CHRM5: variants seen among roughly 807,000 people sequenced by gnomAD.
The protein encoded by CHRM5 is cholinergic receptor muscarinic 5, also known as muscarinic acetylcholine receptor M5.
In CHRM5, 18 loss-of-function variants were observed where a neutral mutation model predicts 39.0. The observed-to-expected ratio is 0.46, with a 90% CI of 0.32 to 0.68. The LOEUF (loss-of-function observed/expected upper bound fraction) is 0.68, where lower values mean the gene tolerates loss of function less well. Ranked by LOEUF, CHRM5 falls within the 30% of genes least tolerant of loss-of-function variation. The probability of loss-of-function intolerance (pLI) is 0.04; values close to 1 mark genes in which losing one functional copy is unlikely to be tolerated. For missense variants in CHRM5, 515 were observed against 651.1 expected, an observed-to-expected ratio of 0.79 and a Z score of 2.28; for synonymous variants, 241 against 246.3, an observed-to-expected ratio of 0.98 and a Z score of 0.20.
At chr15:33,996,358 G>A (rs1020036646) in intron 1 of CHRM5, among the ~76,000 whole-genome samples, 3 of 152,194 alleles carry the variant, frequency 2.0e-5, no homozygotes, top group Non-Finnish European at 4.4e-5. Context: ...TGAGTTCTGA[G>A]AACCGACAGA....
At chr15:34,019,890 T>C (rs1682211466) in intron 1 of CHRM5, among the ~76,000 whole-genome samples, 1 of 152,242 alleles carries the variant, frequency 6.6e-6, no homozygotes, top group South Asian at 2.1e-4. Context: ...TGACTATTTA[T>C]TGTAGCAAAA....
At chr15:34,061,041 T>C (rs967313953) in intron 2 of CHRM5, among the ~76,000 whole-genome samples, 1 of 152,126 alleles carries the variant, frequency 6.6e-6, no homozygotes, top group Non-Finnish European at 1.5e-5. Flanking sequence ...GATTTTTTTT[T>C]TCCCTTTACC....
At chr15:33,995,437 G>T (rs1306268293) in intron 1 of CHRM5, among the ~76,000 whole-genome samples, 1 of 152,088 alleles carries the variant, frequency 6.6e-6, no homozygotes, top group Non-Finnish European at 1.5e-5. Context: ...TTTTTGCATA[G>T]GTTATATGCA....
At chr15:33,993,842 T>G (rs897664536) in intron 1 of CHRM5, among the ~76,000 whole-genome samples, 35 of 344 alleles carry the variant, frequency 0.1, no homozygotes, top group Admixed American at 0.26. Context: ...AAAATAGGGT[T>G]TTTTTTTCCT....
intron 1 of CHRM5, among the ~76,000 whole-genome samples, chr15:33,985,963 G>A (rs770741421): frequency 1.3e-5 from 2 of 152,126 alleles, no homozygotes; most frequent in Non-Finnish European, 1.5e-5. Context: ...ATATCTCTCT[G>A]ACAGATCTAA....
intron 1 of CHRM5, among the ~76,000 whole-genome samples, chr15:34,009,475 T>A (rs4041437): frequency 3.9e-5 from 6 of 152,296 alleles, no homozygotes; most frequent in African/African-American, 9.6e-5. Context: ...TAGATTTTTT[T>A]AAAAAATCAA....
At chr15:34,055,560 G>A (rs965895413) in intron 2 of CHRM5, among the ~76,000 whole-genome samples, 5 of 151,842 alleles carry the variant, frequency 3.3e-5, no homozygotes, top group Non-Finnish European at 7.4e-5. Context: ...CCAGCACTTT[G>A]GGAGGCTGAG....
At chr15:33,990,731 G>A (rs766761205) in intron 1 of CHRM5, 8 of 152,180 alleles carry the variant, frequency 5.3e-5, no homozygotes, top group South Asian at 2.1e-4. Context: ...TCTGGGGACC[G>A]AAACCTACCA....
At chr15:33,986,150 A>C (rs1896452997) in intron 1 of CHRM5, among the ~76,000 whole-genome samples, 1 of 151,300 alleles carries the variant, frequency 6.6e-6, no homozygotes. Flanking sequence ...TCTGTCGCCC[A>C]GGCTGGAGTG....
intron 1 of CHRM5, among the ~76,000 whole-genome samples, chr15:33,980,157 AC>A (rs1190279007): frequency 5.3e-5 from 8 of 152,226 alleles, no homozygotes; most frequent in African/African-American, 1.9e-4. Flanking sequence ...GGTACAAGGA[AC>A]CTAAACATGT....
chr15:33,993,247 CG>C (rs1234854778), intron 1 of CHRM5, among the ~76,000 whole-genome samples: 15 of 152,132 alleles, frequency 9.9e-5, no homozygotes, highest in Non-Finnish European at 1.9e-4. Flanking sequence ...GCTCTTGAAA[CG>C]TAACTTAGAA....
At chr15:33,992,885 A>G (rs957838874) in intron 1 of CHRM5, among the ~76,000 whole-genome samples, 1 of 152,274 alleles carries the variant, frequency 6.6e-6, no homozygotes, top group East Asian at 1.9e-4. Flanking sequence ...ATAAAATTAA[A>G]TTGAAGAAAA....
At position 34,028,463 on chromosome 15, in the gene CHRM5, G is replaced by A. The variant is rs79327089; in HGVS notation, c.-407-18077G>A. ...TCTATTTGGTCCCCATATTCAGAAG[G>A]CTGAGGTGGGAGGATCACTTAAGCC... On this transcript the variant is annotated intron_variant, in intron 1 of 2. Coordinates refer to ENST00000383263, the MANE Select transcript of CHRM5 (RefSeq NM_012125.4). 3.2e-3 allele frequency among the ~76,000 whole-genome samples: 494 copies of A among 152,226 alleles called. 11 individuals carry two copies. Among genetic ancestry groups the A allele is most frequent in the Admixed American group, 0.026 (392 of 15,288 alleles).
chr15:34,039,220 GGGGCGGCCGGCGT>G, intron 1 of CHRM5: 2 of 449,486 alleles, frequency 4.4e-6, no homozygotes, highest in Non-Finnish European at 6.0e-6. Context: ...GGGGCGGGGC[GGGGCGGCCGGCGT>G]CCCGCAGGTG....
intron 2 of CHRM5, among the ~76,000 whole-genome samples, chr15:34,052,909 A>T (rs555835054): frequency 6.6e-6 from 1 of 152,312 alleles, no homozygotes; most frequent in African/African-American, 2.4e-5. Flanking sequence ...TCATGAAAAT[A>T]GTCATACTGC....
In CHRM5 at chr15:34,063,759, A is replaced by G; in HGVS notation, c.1042A>G (p.Lys348Glu). ...TGAAGAGACTGAGGAAACTTTTGTG[A>G]AAGCTGAAACTGAAAAAAGTGACTA... Reference protein sequence around the residue: ...SAEETEETFVKAETEKSDYDT... With the variant: ...SAEETEETFVEAETEKSDYDT... The change falls in exon 3 of 3, where the codon AAA becomes GAA. Residue 348 changes from lysine to glutamate, a missense_variant. Coordinates refer to ENST00000383263, the MANE Select transcript of CHRM5 (RefSeq NM_012125.4). This position sits in a 1 kb window ranked among gnomAD's most constrained non-coding sequence, Gnocchi z 4.1. The G allele has an allele frequency of 1.9e-6, 3 of 1,614,260 alleles. No individual in the cohort carries two copies. The highest frequency in any genetic ancestry group is 2.7e-5 in the African/African-American group (2 of 75,072).
At position 33,987,424 on chromosome 15, in the gene CHRM5, G is replaced by A. The variant is rs146301628; in HGVS notation, c.-408+18274G>A. On this transcript the variant is annotated intron_variant, in intron 1 of 2. Coordinates refer to ENST00000383263, the MANE Select transcript of CHRM5 (RefSeq NM_012125.4). ...AAAAACAATGGACAGCCACCAGACAGTCTCTTGCCTCCACAGTGTTAGGAT... is the reference window on the plus strand; with the variant it reads ...AAAAACAATGGACAGCCACCAGACAATCTCTTGCCTCCACAGTGTTAGGAT... Among the ~76,000 whole-genome samples the A allele has an allele frequency of 1.4e-3, 216 of 152,318 alleles. 3 individuals carry two copies. The East Asian group carries it at 0.021, about 15-fold the overall frequency.
chr15:34,025,178 G>A (rs996180028), intron 1 of CHRM5, among the ~76,000 whole-genome samples: 1 of 152,058 alleles, frequency 6.6e-6, no homozygotes, highest in Admixed American at 6.6e-5. Context: ...TCAAAAAAAA[G>A]GGTGGCATTT....
chr15:34,061,954 G>C (rs1353267866), intron 2 of CHRM5, among the ~76,000 whole-genome samples: 2 of 152,126 alleles, frequency 1.3e-5, no homozygotes, highest in African/African-American at 4.8e-5. Flanking sequence ...TTATCACCAG[G>C]ATCTTAAAAA....
Sources: allele counts gnomAD v4.1 joint callset (sites outside exome capture counted in the v4.1 genomes callset), GRCh38; gene constraint gnomAD v4.1.1; non-coding constraint Gnocchi (gnomAD v3.1); transcripts MANE v1.5; gene names NCBI Gene and HGNC (gene_info 2026-07-23, HGNC 2026-07-21).